Variants in SPATS1 observed in about 807,000 individuals in gnomAD.
SPATS1 encodes spermatogenesis associated serine rich 1.
In SPATS1, 23 loss-of-function variants were observed where a neutral mutation model predicts 33.6. The ratio of observed to expected loss-of-function variants is 0.68; its 90% CI spans 0.49 to 0.97. The LOEUF is 0.97. Ranked by LOEUF, SPATS1 falls within the 50% of genes least tolerant of loss-of-function variation. The pLI, the probability that SPATS1 is intolerant of heterozygous loss-of-function variation, is 0.00. For synonymous variants in SPATS1, 131 were observed against 125.6 expected (o/e 1.04, Z -0.29); for missense variants, 327 against 361.0 (o/e 0.91, Z 0.76).
At chr6:44,375,490 G>A (rs762679325) in intron 7 of SPATS1, among the ~76,000 whole-genome samples, 3 of 152,138 alleles carry the variant, frequency 2.0e-5, no homozygotes, top group East Asian at 1.9e-4. Flanking sequence ...ATCTCCTATC[G>A]GTGCCATCAG....
Position 44,377,144 on chromosome 6 carries a change from T to C in SPATS1, c.*81T>C, listed in dbSNP as rs1035527744. On this transcript the variant is annotated 3_prime_UTR_variant, in exon 9 of 9. Transcript: ENST00000674044. The stretch of plus-strand genomic sequence containing the variant: ...TTGATGTTTTTTGTCATGTGACTGT[T>C]CTAAATCCAGTGTTTGACCCTTATG... 3 of 1,548,274 alleles carry C rather than the reference T, an allele frequency of 1.9e-6. No homozygotes were observed. In the Admixed American group the frequency reaches 5.0e-5, roughly 26 times the overall value.
intron 6 of SPATS1, 131 bp downstream of exon 6, chr6:44,368,630 C>T: frequency 1.2e-6 from 1 of 852,636 alleles, no homozygotes; most frequent in Middle Eastern, 2.9e-4. Context: ...CCTTGAAAAG[C>T]TCATCTTTAG....
chr6:44,369,994 TG>T, intron 6 of SPATS1, 56 bp from the exon 7 acceptor site: 1 of 1,299,030 alleles, frequency 7.7e-7, no homozygotes, highest in Non-Finnish European at 1.1e-6. Context: ...AATGATGTAT[TG>T]ATCTCTTTGC....
intron 5 of SPATS1, among the ~76,000 whole-genome samples, chr6:44,364,340 A>G (rs554925656): frequency 1.3e-5 from 2 of 152,366 alleles, no homozygotes; most frequent in South Asian, 4.1e-4. Flanking sequence ...GATCCAAGTA[A>G]GGCCCACAGA....
At chr6:44,370,154 TA>T in intron 7 of SPATS1, 41 bp downstream of exon 7, 1 of 1,528,636 alleles carries the variant, frequency 6.5e-7, no homozygotes, top group Non-Finnish European at 9.0e-7. Flanking sequence ...CCATCTTTAT[TA>T]AATATCGATT....
At chr6:44,372,494 C>T (rs996084967) in intron 7 of SPATS1, among the ~76,000 whole-genome samples, 7 of 151,586 alleles carry the variant, frequency 4.6e-5, no homozygotes, top group Admixed American at 3.3e-4. Flanking sequence ...GATGGAGTCT[C>T]ACTTTGTCAC....
At chr6:44,343,724 T>C (rs1281988139) in intron 2 of SPATS1, among the ~76,000 whole-genome samples, 10 of 152,200 alleles carry the variant, frequency 6.6e-5, no homozygotes, top group Non-Finnish European at 1.0e-4. Context: ...GGTAGCTCCA[T>C]AATTGGTTAA....
intron 1 of SPATS1, 122 bp downstream of exon 1, chr6:44,342,890 C>A: frequency 3.1e-6 from 4 of 1,285,716 alleles, no homozygotes; most frequent in South Asian, 1.4e-5. Context: ...CTGGTTCGGG[C>A]TGGGGGCGGA....
intron 5 of SPATS1, among the ~76,000 whole-genome samples, chr6:44,365,342 C>T (rs778109671): frequency 4.6e-5 from 7 of 152,170 alleles, no homozygotes; most frequent in Non-Finnish European, 8.8e-5. Flanking sequence ...ATACAATTTT[C>T]TATTGTGTAG....
At chr6:44,368,203 A>C (rs948467944) in intron 5 of SPATS1, among the ~76,000 whole-genome samples, 176 bp from the exon 6 acceptor site, 1 of 152,232 alleles carries the variant, frequency 6.6e-6, no homozygotes, top group African/African-American at 2.4e-5. Flanking sequence ...AAATGTCCCA[A>C]ATATAGGCTC....
chr6:44,343,277 T>A, intron 2 of SPATS1, 43 bp downstream of exon 2: 4 of 1,504,884 alleles, frequency 2.7e-6, no homozygotes, highest in Non-Finnish European at 3.6e-6. Context: ...GGTGGCCACA[T>A]CCAAGTATAC....
At chr6:44,344,792 CT>C (rs1442901173) in intron 2 of SPATS1, among the ~76,000 whole-genome samples, 1 of 152,196 alleles carries the variant, frequency 6.6e-6, no homozygotes, top group Non-Finnish European at 1.5e-5. Context: ...GAATTCCTTT[CT>C]GGTTACCAGA....
At chr6:44,350,537 C>A (rs1788171977) in intron 2 of SPATS1, among the ~76,000 whole-genome samples, 1 of 152,170 alleles carries the variant, frequency 6.6e-6, no homozygotes, top group Admixed American at 6.5e-5. Flanking sequence ...TGAGAAGCCC[C>A]AGAGTGGGAG....
chr6:44,349,299 A>AAG lies in SPATS1; in HGVS notation c.140-3426_140-3425insGA, dbSNP rs1349097626. On this transcript the variant is annotated intron_variant, in intron 2 of 8. Coordinates refer to ENST00000674044, the MANE Select transcript of SPATS1 (RefSeq NM_001372081.1). ...GGGCGACTCTGGCTCAAAAAAAAAAAAAAAAAAAAAAAAGAAAGAAATGCT... is the reference window on the plus strand; with the variant it reads ...GGGCGACTCTGGCTCAAAAAAAAAAAAGAAAAAAAAAAAAAGAAAGAAATGCT... 4.6e-5 allele frequency among the ~76,000 whole-genome samples: 7 copies of AAG among 150,874 alleles called. No individual in the cohort carries two copies. In the East Asian group the frequency reaches 9.7e-4, roughly 21 times the overall value.
chr6:44,370,784 A>G (rs1789557304), intron 7 of SPATS1, among the ~76,000 whole-genome samples: 1 of 152,160 alleles, frequency 6.6e-6, no homozygotes, highest in South Asian at 2.1e-4. Flanking sequence ...TACTTATGGC[A>G]CACGATTAGG....
intron 4 of SPATS1, chr6:44,361,342 C>T: frequency 5.1e-6 from 5 of 985,452 alleles, no homozygotes; most frequent in Non-Finnish European, 6.0e-6. Context: ...GAAATTATCA[C>T]AGGTCCATTT....
At chr6:44,363,597 CCTTT>C (rs971935104) in intron 5 of SPATS1, among the ~76,000 whole-genome samples, 5 of 152,068 alleles carry the variant, frequency 3.3e-5, no homozygotes, top group East Asian at 3.9e-4. Flanking sequence ...CCTCTCCTTT[CCTTT>C]CTTTTTCTTT....
chr6:44,354,993 AT>A (rs762860547), intron 3 of SPATS1, among the ~76,000 whole-genome samples: 2 of 151,720 alleles, frequency 1.3e-5, no homozygotes, highest in East Asian at 1.9e-4. Context: ...TTGTAAATGT[AT>A]TTTTTTTGTA....
chr6:44,343,565 G>A (rs1203312877), intron 2 of SPATS1: 5 of 475,970 alleles, frequency 1.1e-5, no homozygotes, highest in Admixed American at 9.6e-5. Flanking sequence ...TTTGACATGA[G>A]CCTGGGATTT....
Sources: gnomAD v4.1 joint callset for allele counts (sites outside exome capture counted in the v4.1 genomes callset) on GRCh38, gnomAD v4.1.1 for gene constraint, MANE v1.5 for transcripts, NCBI Gene and HGNC (gene_info 2026-07-23, HGNC 2026-07-21) for gene names.